Variants in SON observed in about 807,000 individuals in gnomAD.
SON encodes the protein protein SON.
A neutral mutation model predicts 173.3 loss-of-function variants in SON; 4 were observed. The observed-to-expected ratio is 0.02, with a 90% confidence interval of 0.01 to 0.05. The LOEUF (loss-of-function observed/expected upper bound fraction) is 0.05, where lower values mean the gene tolerates loss of function less well. SON is among the 10% of genes least tolerant of loss of function. The pLI is 1.00. For synonymous variants in SON, 1,190 were observed against 1,105.9 expected, an observed-to-expected ratio of 1.08 and a Z score of -1.51; for missense variants, 2,626 against 3,055.3, an observed-to-expected ratio of 0.86 and a Z score of 3.31.
Position 33,555,335 on chromosome 21 carries a change from G to T in SON, c.6104G>T (p.Arg2035Leu). 6.3e-7 allele frequency: 1 copy of T among 1,597,192 alleles called. No homozygotes were observed. The highest frequency in any genetic ancestry group is 1.1e-5 in the South Asian group (1 of 88,492). ...RRRFSRSPIRRKRSRSSERGR... is the reference protein window; with the variant it reads ...RRRFSRSPIRLKRSRSSERGR... The stretch of plus-strand genomic sequence containing the variant: ...AGGTTTAGCAGATCTCCCATCCGTC[G>T]TAAAAGATCCAGGTCTTCTGAACGA... The change falls in exon 3 of 12, where the codon CGT (arginine) becomes CTT (leucine). Residue 2035 changes from arginine (R) to leucine (L), a missense_variant. Coordinates refer to ENST00000356577, the MANE Select transcript of SON (RefSeq NM_138927.4).
At chr21:33,567,429 G>T in intron 7 of SON, 162 bp downstream of exon 7, 1 of 596,276 alleles carries the variant, frequency 1.7e-6, no homozygotes, top group Non-Finnish European at 3.1e-6. Context: ...AGTGATTCGA[G>T]GCCTGATCAT....
chr21:33,575,901 TGAA>T lies in SON; in HGVS notation c.7221+9_7221+11del. The T allele has an allele frequency of 7.5e-7, 1 of 1,335,780 alleles. No individual in the cohort carries two copies. The highest frequency in any genetic ancestry group is 1.1e-6 in the Non-Finnish European group (1 of 938,194). The allele number at this position is 1,335,780 out of a possible 1,614,324, so 82.7% of individuals were successfully genotyped here. On this transcript the variant is annotated intron_variant, in intron 11 of 11. Transcript: ENST00000356577. Reference sequence around the variant, plus strand: ...AAACATTTTCTCTTTAGGGTAAATATGAATTTCTGCATTAATTATATATATTTA... The same window carrying T: ...AAACATTTTCTCTTTAGGGTAAATATTTTCTGCATTAATTATATATATTTA...
intron 1 of SON, among the ~76,000 whole-genome samples, chr21:33,545,696 C>T (rs2085598364): frequency 6.6e-6 from 1 of 152,180 alleles, no homozygotes; most frequent in Non-Finnish European, 1.5e-5. Flanking sequence ...AGTGGCATTT[C>T]AGTAGCAATG....
At chr21:33,564,768 G>T (rs571421051) in intron 6 of SON, among the ~76,000 whole-genome samples, 1 of 149,200 alleles carries the variant, frequency 6.7e-6, no homozygotes, top group South Asian at 2.1e-4. Flanking sequence ...GCTGAGGCAG[G>T]AGAATCACTT....
chr21:33,556,985 G>A (rs1374759222), intron 3 of SON, among the ~76,000 whole-genome samples, 171 bp from the exon 4 acceptor site: 1 of 150,196 alleles, frequency 6.7e-6, no homozygotes, highest in African/African-American at 2.5e-5. Flanking sequence ...GTAACTTAGA[G>A]CAGAATATTG....
rs1171320313 is a variant in SON at position 33,576,615 on chromosome 21, G to C, written c.*191G>C. On this transcript the variant is annotated 3_prime_UTR_variant, in exon 12 of 12. Transcript: ENST00000356577. ...AATAATCATTTCAGAATTTTACTCT[G>C]CATCACAATGTATTTCCTCTTTAAT... 12 of 695,224 alleles carry C rather than the reference G, an allele frequency of 1.7e-5. No individual in the cohort carries two copies. The Admixed American group carries it at 2.4e-4, about 14-fold the overall frequency. The allele number at this position is 695,224 out of a possible 1,614,324, so 43.1% of individuals were successfully genotyped here. A position where few individuals can be genotyped will look rare whatever the true frequency, so the allele number is the denominator to read the frequency against.
rs747854063 is a variant in SON, at chr21:33,554,289, A to G, written c.5058A>G (p.Lys1686=). The G allele has an allele frequency of 1.9e-6, 3 of 1,614,068 alleles. No homozygotes were observed. The highest frequency in any genetic ancestry group is 2.5e-6 in the Non-Finnish European group (3 of 1,180,030). The change falls in exon 3 of 12, where the codon AAA becomes AAG. Residue 1686 remains lysine, a synonymous_variant. Coordinates refer to ENST00000356577, the MANE Select transcript of SON (RefSeq NM_138927.4). The part of the protein sequence containing the change: ...SKDTEEPLPV[K]ESDQTLAALL... ...ATACAGAAGAACCATTACCTGTAAA[A>G]GAGAGTGACCAGACATTAGCAGCTC...
intron 1 of SON, among the ~76,000 whole-genome samples, chr21:33,545,369 A>G (rs1460556347): frequency 6.6e-6 from 1 of 152,244 alleles, no homozygotes; most frequent in African/African-American, 2.4e-5. Flanking sequence ...GTTTTTGACC[A>G]TTCAGACTTT....
At chr21:33,576,171 C>T (rs1445311940) in intron 11 of SON, among the ~76,000 whole-genome samples, 194 bp from the exon 12 acceptor site, 1 of 98,262 alleles carries the variant, frequency 1.0e-5, no homozygotes, top group Non-Finnish European at 2.0e-5. Flanking sequence ...GTCTTTTTCT[C>T]AATTTGGAGA....
At chr21:33,560,855 T>G (rs1278164027) in intron 6 of SON, 1 of 152,792 alleles carries the variant, frequency 6.5e-6, no homozygotes, top group East Asian at 1.9e-4. Flanking sequence ...TTCTTGGATA[T>G]GTAGATCAGA....
At chr21:33,569,187 A>C (rs1176349080) in intron 8 of SON, 100 bp downstream of exon 8, 2 of 680,044 alleles carry the variant, frequency 2.9e-6, no homozygotes, top group Non-Finnish European at 5.2e-6. Context: ...ACTCTAACCA[A>C]AGTTCCAAGT....
chr21:33,553,787 T>C lies in SON; in HGVS notation c.4556T>C (p.Leu1519Pro). The change falls in exon 3 of 12, where the codon CTG becomes CCG. Residue 1519 changes from leucine to proline, a missense_variant. This residue lies in a region of SON where 1,006 missense variants were observed against 895.6 expected (regional missense o/e 1.12). Transcript: ENST00000356577. ...GAAGAACCACATGCTGAGGAACACC[T>C]GAAAGGTGACTTTTACGAAAGTGAA... ...SGEEPHAEEH[L>P]KGDFYESEHG... is the part of the protein sequence containing the mutation. The C allele has an allele frequency of 6.2e-7, 1 of 1,614,054 alleles. No individual in the cohort carries two copies. Among genetic ancestry groups the C allele is most frequent in the Non-Finnish European group, 8.5e-7 (1 of 1,179,984 alleles).
In SON at chr21:33,554,477, G is replaced by A; in HGVS notation, c.5246G>A (p.Arg1749Lys). 1 of 1,614,184 alleles carries A rather than the reference G, an allele frequency of 6.2e-7. No individual in the cohort carries two copies. The highest frequency in any genetic ancestry group is 8.5e-7 in the Non-Finnish European group (1 of 1,180,036). ...PKDMERLTSL[R>K]AGIEGPLLAS... ...GACATGGAACGTCTTACAAGCCTTA[G>A]AGCTGGCATTGAAGGACCTTTACTT... The change falls in exon 3 of 12, where the codon AGA becomes AAA. Residue 1749 changes from arginine to lysine, a missense_variant. Arg to Lys is a conservative substitution (Grantham distance 26). This residue lies in a region of SON where 1,006 missense variants were observed against 895.6 expected (regional missense o/e 1.12). Coordinates refer to ENST00000356577, the MANE Select transcript of SON (RefSeq NM_138927.4).
intron 8 of SON, chr21:33,569,581 G>A (rs1328235100): frequency 4.3e-6 from 2 of 461,448 alleles, no homozygotes; most frequent in Non-Finnish European, 9.0e-6. Context: ...ATTAGTGCCT[G>A]TGCCTTCTTG....
intron 3 of SON, among the ~76,000 whole-genome samples, chr21:33,556,844 T>C (rs954210861): frequency 6.6e-6 from 1 of 151,712 alleles, no homozygotes; most frequent in Non-Finnish European, 1.5e-5. Context: ...TTAGAGTGTG[T>C]GTAGTAGGGT....
Position 33,553,848 on chromosome 21 carries a change from T to C in SON, c.4617T>C (p.His1539=), listed in dbSNP as rs774887798. The change falls in exon 3 of 12, where the codon CAT becomes CAC. Residue 1539 remains histidine (H), a synonymous_variant. Transcript: ENST00000356577. ...GINIDLNINN[H]LIAKEMEHNT... is the part of the protein sequence containing the mutation. ...ATATAGACCTTAATATAAATAATCATTTAATTGCTAAAGAGATGGAACATA... is the reference window on the plus strand; with the variant it reads ...ATATAGACCTTAATATAAATAATCACTTAATTGCTAAAGAGATGGAACATA... 5.6e-6 allele frequency: 9 copies of C among 1,613,772 alleles called. No individual in the cohort carries two copies. The highest frequency in any genetic ancestry group is 7.6e-6 in the Non-Finnish European group (9 of 1,179,870).
rs969655596 is a variant in SON, at chr21:33,577,137, G to A, written c.*713G>A. ...CTGCATTCCTGTTAAAGCCACTTGG[G>A]TCATAAGAAGGGAGTAAAAAATGAA... is the stretch of plus-strand genomic sequence containing the variant. On this transcript the variant is annotated 3_prime_UTR_variant, in exon 12 of 12. Transcript: ENST00000356577. 3 of 152,668 alleles carry A rather than the reference G, an allele frequency of 2.0e-5. No individual in the cohort carries two copies. Among genetic ancestry groups the A allele is most frequent in the African/African-American group, 7.3e-5 (3 of 41,354 alleles). 9.5% of individuals were successfully genotyped at this position (152,668 alleles called of 1,614,324 possible).
rs61746013 is a variant in SON at position 33,551,922 on chromosome 21, G to C, written c.2691G>C (p.Ala897=). 1.9e-6 allele frequency: 3 copies of C among 1,614,088 alleles called. No homozygotes were observed. The highest frequency in any genetic ancestry group is 2.5e-6 in the Non-Finnish European group (3 of 1,179,992). Reference sequence around the variant, plus strand: ...GTACCATGGATGCCCAGATGTTAGCGTCTAGTACCCAAGATTCTGCTATGT... The same window carrying C: ...GTACCATGGATGCCCAGATGTTAGCCTCTAGTACCCAAGATTCTGCTATGT... ...ASGTMDAQML[A]SSTQDSAMLG... The change falls in exon 3 of 12, where the codon GCG becomes GCC. Residue 897 remains alanine (A), a synonymous_variant. Transcript: ENST00000356577.
chr21:33,546,309 T>G lies in SON; in HGVS notation c.174T>G (p.Asn58Lys), dbSNP rs751273876. Residue 58 changes from asparagine (N) to lysine (K), a missense_variant, in exon 2 of 12, where the codon AAT becomes AAG. Around this residue, in one of 13 missense-constraint regions of SON, gnomAD observed 757 missense variants for 730.1 expected, o/e 1.04. Transcript: ENST00000356577. ...DAAASARSLP[N>K]EEIVQKIEEV... ...CTGCCTCTGCCAGGAGTCTACCAAA[T>G]GAAGAAATAGTGCAGAAGATAGAGG... The G allele has an allele frequency of 6.2e-7, 1 of 1,613,578 alleles. No homozygotes were observed. Among genetic ancestry groups the G allele is most frequent in the African/African-American group, 1.3e-5 (1 of 74,884 alleles).
Sources: gnomAD v4.1 joint callset for allele counts (sites outside exome capture counted in the v4.1 genomes callset) on GRCh38, gnomAD v4.1.1 for gene constraint, gnomAD v4.1.1 regional missense constraint, MANE v1.5 for transcripts, NCBI Gene and HGNC (gene_info 2026-07-23, HGNC 2026-07-21) for gene names.